Variants in KYAT3 observed in about 807,000 individuals in gnomAD.
The protein encoded by KYAT3 is kynurenine--oxoglutarate transaminase 3.
Under a neutral mutation model 59.0 loss-of-function variants are expected in KYAT3, and 50 were observed. The observed-to-expected ratio is 0.85, with a 90% CI of 0.68 to 1.07. The LOEUF is 1.07. KYAT3 is among the 50% of genes least tolerant of loss of function. The pLI, the probability that KYAT3 is intolerant of heterozygous loss-of-function variation, is 0.00. For missense variants in KYAT3, 497 were observed against 533.3 expected, an observed-to-expected ratio of 0.93 and a Z score of 0.67; for synonymous variants, 148 against 177.0, an observed-to-expected ratio of 0.84 and a Z score of 1.30.
chr1:88,932,725 G>T (rs914086693), downstream of KYAT3, among the ~76,000 whole-genome samples: 4 of 152,056 alleles, frequency 2.6e-5, no homozygotes, highest in Non-Finnish European at 4.4e-5. Flanking sequence ...TGAACTCCTA[G>T]CCTCAAGTGA....
Position 88,988,262 on chromosome 1 carries a change from G to T in KYAT3, c.89C>A (p.Ser30Tyr). The T allele has an allele frequency of 6.2e-7, 1 of 1,611,416 alleles. No individual in the cohort carries two copies. Among genetic ancestry groups the T allele is most frequent in the South Asian group, 1.1e-5 (1 of 90,930 alleles). Reference sequence around the variant, plus strand: ...GTAAGCAATACCTACAGCAGAAGTAGAGAATCCGAGGATTTTGGAAGAAGA... The same window carrying T: ...GTAAGCAATACCTACAGCAGAAGTATAGAATCCGAGGATTTTGGAAGAAGA... ...TISSSKILGFSTSAKMSLKFT... is the reference protein window; with the variant it reads ...TISSSKILGFYTSAKMSLKFT... Residue 30 changes from serine to tyrosine, a missense_variant, in exon 2 of 14, where the codon TCT (serine) becomes TAT (tyrosine). By Grantham distance (144) the Ser-to-Tyr change is moderately radical. Around this residue, in one of 2 missense-constraint regions of KYAT3, gnomAD observed 469 missense variants for 479.1 expected, o/e 0.98. Transcript: ENST00000260508.
intron 10 of KYAT3, among the ~76,000 whole-genome samples, chr1:88,949,496 A>T (rs1675589786): frequency 6.6e-6 from 1 of 152,238 alleles, no homozygotes; most frequent in African/African-American, 2.4e-5. Context: ...AAGAACTGAG[A>T]AGGAGTCCTG....
downstream of KYAT3, among the ~76,000 whole-genome samples, chr1:88,931,926 C>T (rs1371486425): frequency 6.8e-6 from 1 of 146,334 alleles, no homozygotes; most frequent in African/African-American, 2.5e-5. Flanking sequence ...TCCTCCCTCT[C>T]CCCAACTCAG....
chr1:88,957,518 T>C (rs970549746), intron 8 of KYAT3, among the ~76,000 whole-genome samples: 4 of 152,228 alleles, frequency 2.6e-5, no homozygotes, highest in Admixed American at 1.3e-4. Context: ...AAGACTATTG[T>C]ATTCGATAGA....
the KYAT3 span, among the ~76,000 whole-genome samples, chr1:88,924,636 C>T: frequency 6.6e-6 from 1 of 152,214 alleles, no homozygotes; most frequent in Non-Finnish European, 1.5e-5. Context: ...TCAAGCTGAG[C>T]TTTTGCTCGC....
chr1:88,983,970 A>T (rs1159608166), intron 2 of KYAT3: 1 of 886,618 alleles, frequency 1.1e-6, no homozygotes. Context: ...ACTACTGCGC[A>T]ATCTGGATGC....
chr1:88,929,713 C>T, the KYAT3 span, among the ~76,000 whole-genome samples: 1 of 152,216 alleles, frequency 6.6e-6, no homozygotes, highest in Non-Finnish European at 1.5e-5. Context: ...CTCAGCTCTG[C>T]TCACAACAGG....
Position 88,958,417 on chromosome 1 carries a change from G to GT in KYAT3, c.787+2749dup, listed in dbSNP as rs1250879758. Among the ~76,000 whole-genome samples, 105 of 96,140 alleles carry GT rather than the reference G, an allele frequency of 1.1e-3. 1 individual carries two copies. The highest frequency in any genetic ancestry group is 3.6e-3 in the African/African-American group (98 of 27,456). 63.1% of individuals were successfully genotyped at this position (96,140 alleles called of 152,430 possible). ...TCCTCTGTGGCTGGCTCTCATCTTT[G>GT]TAAAAAAAAAAAAAAAAAAATCTAG... On this transcript the variant is annotated intron_variant, in intron 8 of 13. Transcript: ENST00000260508.
chr1:88,978,806 C>T (rs1296612155), intron 2 of KYAT3, among the ~76,000 whole-genome samples: 6 of 131,592 alleles, frequency 4.6e-5, no homozygotes, highest in African/African-American at 1.0e-4. Context: ...CCTCCATGCC[C>T]GGCCTTAATT....
At chr1:88,943,915 A>G (rs1675339454) in intron 11 of KYAT3, among the ~76,000 whole-genome samples, 1 of 152,258 alleles carries the variant, frequency 6.6e-6, no homozygotes, top group South Asian at 2.1e-4. Flanking sequence ...CATAAGTGAC[A>G]AAAAGTATAT....
chr1:88,931,456 C>T (rs1177496264), downstream of KYAT3, among the ~76,000 whole-genome samples: 2 of 152,142 alleles, frequency 1.3e-5, no homozygotes, highest in African/African-American at 4.8e-5. Context: ...GGCACCCCTC[C>T]TGAGGAAATC....
chr1:88,986,682 A>G (rs1165129049), intron 2 of KYAT3, among the ~76,000 whole-genome samples: 1 of 152,222 alleles, frequency 6.6e-6, no homozygotes, highest in Non-Finnish European at 1.5e-5. Context: ...AGGAAAATAC[A>G]GCCTATCCTT....
chr1:88,981,335 T>C (rs1033365873), intron 2 of KYAT3: 1 of 152,266 alleles, frequency 6.6e-6, no homozygotes, highest in Non-Finnish European at 1.5e-5. Flanking sequence ...ATAATTCATC[T>C]TAAGTTCTAA....
chr1:88,981,988 T>C, intron 2 of KYAT3: 1 of 982,714 alleles, frequency 1.0e-6, no homozygotes, highest in Non-Finnish European at 1.2e-6. Flanking sequence ...ACTTTTTATT[T>C]AGTATTCCGT....
downstream of KYAT3, among the ~76,000 whole-genome samples, chr1:88,934,656 A>C (rs1674976978): frequency 6.6e-6 from 1 of 152,170 alleles, no homozygotes; most frequent in Non-Finnish European, 1.5e-5. Flanking sequence ...GCTGAGATAG[A>C]ACAATGGTGC....
At chr1:88,991,127 G>A (rs929740782) in intron 1 of KYAT3, among the ~76,000 whole-genome samples, 2 of 152,196 alleles carry the variant, frequency 1.3e-5, no homozygotes, top group Non-Finnish European at 2.9e-5. Flanking sequence ...CAACGGTTTA[G>A]ACTGTTTAAA....
At chr1:88,963,697 G>C (rs994921444) in intron 5 of KYAT3, among the ~76,000 whole-genome samples, 3 of 152,172 alleles carry the variant, frequency 2.0e-5, no homozygotes, top group Middle Eastern at 3.2e-3. Context: ...CTTCTGCATA[G>C]AATCTATCTT....
At position 88,940,806 on chromosome 1, in the gene KYAT3, C is replaced by G. The variant is rs75755738; in HGVS notation, c.1302+2199G>C. 3.0e-4 allele frequency among the ~76,000 whole-genome samples: 45 copies of G among 152,270 alleles called. No homozygotes were observed. The East Asian group carries it at 7.6e-3, about 26-fold the overall frequency. On this transcript the variant is annotated intron_variant, in intron 13 of 13. Transcript: ENST00000260508. Reference sequence around the variant, plus strand: ...ACATGACTGTATGTTTTTGCCGTTTCCTCCATCATGCCAAACGGTCTAGAG... The same window carrying G: ...ACATGACTGTATGTTTTTGCCGTTTGCTCCATCATGCCAAACGGTCTAGAG...
chr1:88,948,995 C>T, intron 11 of KYAT3, 96 bp downstream of exon 11: 2 of 983,964 alleles, frequency 2.0e-6, no homozygotes, highest in Non-Finnish European at 2.9e-6. Flanking sequence ...AGATAAAATG[C>T]TGCTGTGGCT....
Sources: allele counts gnomAD v4.1 joint callset (sites outside exome capture counted in the v4.1 genomes callset), GRCh38; gene constraint gnomAD v4.1.1; regional missense constraint gnomAD v4.1.1; transcripts MANE v1.5; gene names NCBI Gene and HGNC (gene_info 2026-07-23, HGNC 2026-07-21).